CCDC7: variants seen among roughly 807,000 people sequenced by gnomAD.
The protein encoded by CCDC7 is coiled-coil domain-containing protein 7.
A neutral mutation model predicts 196.9 loss-of-function variants in CCDC7; 183 were observed. The observed-to-expected ratio is 0.93, with a 90% CI of 0.82 to 1.05. CCDC7 has a LOEUF of 1.05. Ranked by LOEUF, CCDC7 falls within the 50% of genes least tolerant of loss-of-function variation. The pLI is 0.00. For missense variants in CCDC7, 1,540 were observed against 1,482.2 expected (o/e 1.04, Z -0.64); for synonymous variants, 525 against 484.6 (o/e 1.08, Z -1.10).
intron 20 of CCDC7, among the ~76,000 whole-genome samples, chr10:32,658,790 T>C (rs145829082): frequency 1.1e-4 from 16 of 152,320 alleles, no homozygotes; most frequent in African/African-American, 3.4e-4. Flanking sequence ...GTAAGTTACA[T>C]ATTTCTATGA....
intron 23 of CCDC7, among the ~76,000 whole-genome samples, chr10:32,693,964 G>T (rs2077386980): frequency 6.6e-6 from 1 of 152,060 alleles, no homozygotes; most frequent in African/African-American, 2.4e-5. Context: ...GTGAATGAAT[G>T]AATGAATACA....
intron 20 of CCDC7, among the ~76,000 whole-genome samples, chr10:32,638,486 A>G (rs1173751826): frequency 6.6e-6 from 1 of 152,190 alleles, no homozygotes; most frequent in African/African-American, 2.4e-5. Context: ...TATTGAGATA[A>G]TCATGTGGTT....
At chr10:32,478,163 G>C (rs2039337061) in intron 8 of CCDC7, among the ~76,000 whole-genome samples, 1 of 152,034 alleles carries the variant, frequency 6.6e-6, no homozygotes, top group Non-Finnish European at 1.5e-5. Flanking sequence ...TGGTATATAG[G>C]AAAGCAATTG....
At chr10:32,761,240 T>C (rs2077420417) in intron 28 of CCDC7, among the ~76,000 whole-genome samples, 2 of 151,990 alleles carry the variant, frequency 1.3e-5, no homozygotes, top group South Asian at 4.1e-4. Flanking sequence ...AGTTACCACA[T>C]ACCTTGTTTC....
At chr10:32,472,452 A>G (rs371947197) in intron 6 of CCDC7, 29 bp from the exon 8 acceptor site, 1 of 1,547,278 alleles carries the variant, frequency 6.5e-7, no homozygotes, top group Non-Finnish European at 8.7e-7. Context: ...GATATATTAA[A>G]AAATATTTCA....
intron 41 of CCDC7, among the ~76,000 whole-genome samples, chr10:32,861,677 A>T (rs2093990064): frequency 6.6e-6 from 1 of 152,074 alleles, no homozygotes; most frequent in African/African-American, 2.4e-5. Context: ...TCCATCTGAC[A>T]AAGGGCTAAC....
chr10:32,581,693 T>C (rs1343048819), intron 16 of CCDC7, among the ~76,000 whole-genome samples: 1 of 152,198 alleles, frequency 6.6e-6, no homozygotes, highest in Non-Finnish European at 1.5e-5. Context: ...ATGTACAGTA[T>C]ATTAGCATTT....
chr10:32,492,098 A>G, intron 9 of CCDC7, 101 bp downstream of exon 10: 1 of 1,200,010 alleles, frequency 8.3e-7, no homozygotes, highest in Non-Finnish European at 1.1e-6. Flanking sequence ...GAAAAAAGTT[A>G]GTACGTGTTT....
intron 18 of CCDC7, among the ~76,000 whole-genome samples, chr10:32,633,736 A>ATGTG (rs140273887): frequency 1.0e-4 from 13 of 127,988 alleles, no homozygotes; most frequent in African/African-American, 3.3e-4. Flanking sequence ...GTGTGTATAT[A>ATGTG]TATGTGTGTG....
intron 32 of CCDC7, among the ~76,000 whole-genome samples, chr10:32,827,884 T>G (rs765985859): frequency 2.0e-5 from 3 of 152,204 alleles, no homozygotes; most frequent in Non-Finnish European, 2.9e-5. Context: ...GAATCTCCAT[T>G]AATGCAGCCA....
At position 32,461,385 on chromosome 10, in the gene CCDC7, T is replaced by C. The variant is rs755358572; in HGVS notation, c.457-1298T>C. 3.9e-5 allele frequency among the ~76,000 whole-genome samples: 6 copies of C among 152,270 alleles called. No homozygotes were observed. The Middle Eastern group carries it at 0.01, about 261-fold the overall frequency. Reference sequence around the variant, plus strand: ...AGTGTTGAATAGCTCATGAAACTTATTGAATACTGTACTGAAAGTGAAAAA... The same window carrying C: ...AGTGTTGAATAGCTCATGAAACTTACTGAATACTGTACTGAAAGTGAAAAA... On this transcript the variant is annotated intron_variant, in intron 3 of 41. Transcript: ENST00000639629.
chr10:32,867,864 C>T (rs964645944), intron 41 of CCDC7, among the ~76,000 whole-genome samples: 1 of 151,726 alleles, frequency 6.6e-6, no homozygotes. Context: ...TACCATCTAC[C>T]TCCAGAACGT....
chr10:32,691,215 A>G (rs530348121), intron 23 of CCDC7, among the ~76,000 whole-genome samples: 1 of 152,280 alleles, frequency 6.6e-6, no homozygotes, highest in Admixed American at 6.5e-5. Flanking sequence ...TATCACTGGG[A>G]GGTGCAAAGG....
At chr10:32,874,176 T>G (rs577411940) in intron 41 of CCDC7, among the ~76,000 whole-genome samples, 19 of 148,776 alleles carry the variant, frequency 1.3e-4, no homozygotes, top group Non-Finnish European at 2.2e-4. Context: ...TATTCAATTA[T>G]AAAGATATAT....
At chr10:32,869,935 G>C (rs372010743) in intron 41 of CCDC7, among the ~76,000 whole-genome samples, 15 of 152,012 alleles carry the variant, frequency 9.9e-5, no homozygotes, top group African/African-American at 3.6e-4. Context: ...TGAGGGCTCT[G>C]TTCTGTTCCA....
At chr10:32,854,609 G>A in intron 41 of CCDC7, 120 bp downstream of exon 42, 1 of 614,280 alleles carries the variant, frequency 1.6e-6, no homozygotes, top group Non-Finnish European at 2.8e-6. Flanking sequence ...CCTTATGGGT[G>A]AGGCATGGTT....
At chr10:32,681,454 C>G (rs1490916811) in intron 21 of CCDC7, among the ~76,000 whole-genome samples, 2 of 152,144 alleles carry the variant, frequency 1.3e-5, no homozygotes, top group Non-Finnish European at 2.9e-5. Context: ...ACAATACAGT[C>G]AAGCCCCCAC....
In CCDC7 at chr10:32,647,761, C is replaced by A. The variant is rs2068035923; in HGVS notation, c.2014+12603C>A. 2.6e-5 allele frequency among the ~76,000 whole-genome samples: 4 copies of A among 152,144 alleles called. No individual in the cohort carries two copies. The South Asian group carries it at 8.3e-4, about 31-fold the overall frequency. On this transcript the variant is annotated intron_variant, in intron 20 of 41. Coordinates refer to ENST00000639629, the Ensembl canonical transcript of CCDC7. ...TGGAGACATAGTTCATGAATACTTTCTCTGATTCTATAGATTGTCTGTTTG... is the reference window on the plus strand; with the variant it reads ...TGGAGACATAGTTCATGAATACTTTATCTGATTCTATAGATTGTCTGTTTG...
chr10:32,450,474 G>A (rs1367843192), upstream of CCDC7, among the ~76,000 whole-genome samples: 1 of 152,142 alleles, frequency 6.6e-6, no homozygotes, highest in Non-Finnish European at 1.5e-5. Context: ...AATGGGACAA[G>A]CCAAAGTGTA....
Sources: gnomAD v4.1 joint callset for allele counts (sites outside exome capture counted in the v4.1 genomes callset) on GRCh38, gnomAD v4.1.1 for gene constraint, MANE v1.5 for transcripts, NCBI Gene and HGNC (gene_info 2026-07-23, HGNC 2026-07-21) for gene names.